Variants in ADAMTSL3 observed in about 807,000 individuals in gnomAD.
ADAMTSL3 encodes ADAMTS-like protein 3.
Under a neutral mutation model 201.7 loss-of-function variants are expected in ADAMTSL3, and 128 were observed. The observed-to-expected ratio is 0.63, with a 90% CI of 0.55 to 0.73. ADAMTSL3 has a LOEUF of 0.73. Ranked by LOEUF, ADAMTSL3 falls within the 30% of genes least tolerant of loss-of-function variation. ADAMTSL3 has a pLI of 0.00. For missense variants in ADAMTSL3, 1,990 were observed against 2,119.6 expected (o/e 0.94, Z 1.20); for synonymous variants, 738 against 748.4 (o/e 0.99, Z 0.23).
intron 19 of ADAMTSL3, among the ~76,000 whole-genome samples, chr15:83,946,783 G>C (rs2066662609): frequency 6.6e-6 from 1 of 152,258 alleles, no homozygotes; most frequent in East Asian, 1.9e-4. Flanking sequence ...GGTTTGGACT[G>C]GAGGCTGTTT....
chr15:83,674,788 T>TATAA (rs1555428965), intron 2 of ADAMTSL3, among the ~76,000 whole-genome samples: 62 of 138,732 alleles, frequency 4.5e-4, no homozygotes, highest in Middle Eastern at 7.6e-3. Context: ...TATATATATA[T>TATAA]AAATCTTGCT....
intron 6 of ADAMTSL3, among the ~76,000 whole-genome samples, chr15:83,837,103 A>T (rs1217486442): frequency 6.6e-6 from 1 of 152,168 alleles, no homozygotes; most frequent in Non-Finnish European, 1.5e-5. Context: ...ATGACAAGAG[A>T]AGGAAGGATA....
intron 17 of ADAMTSL3, among the ~76,000 whole-genome samples, chr15:83,937,300 A>G (rs2066478601): frequency 6.6e-6 from 1 of 151,054 alleles, no homozygotes; most frequent in African/African-American, 2.5e-5. Flanking sequence ...AAAAATGTAC[A>G]TATACACCAT....
At chr15:83,876,625 TTTTTG>T (rs931943034) in intron 9 of ADAMTSL3, among the ~76,000 whole-genome samples, 3 of 152,154 alleles carry the variant, frequency 2.0e-5, no homozygotes, top group Middle Eastern at 3.4e-3. Flanking sequence ...TGTTTGTGGG[TTTTTG>T]TTTTGTTTTG....
At chr15:83,818,298 AAAT>A (rs2063800054) in intron 5 of ADAMTSL3, among the ~76,000 whole-genome samples, 1 of 151,742 alleles carries the variant, frequency 6.6e-6, no homozygotes, top group South Asian at 2.1e-4. Context: ...TAATACAAAA[AAAT>A]AATAAAATAC....
At chr15:83,807,865 G>C (rs1596246097) in intron 5 of ADAMTSL3, among the ~76,000 whole-genome samples, 1 of 152,190 alleles carries the variant, frequency 6.6e-6, no homozygotes, top group Admixed American at 6.5e-5. Flanking sequence ...TTTCACAAGG[G>C]TGCCAAGAAT....
At position 83,976,515 on chromosome 15, in the gene ADAMTSL3, T is replaced by C. The variant is rs1290838865; in HGVS notation, c.2645-5758T>C. On this transcript the variant is annotated intron_variant, in intron 20 of 29. Coordinates refer to ENST00000286744, the MANE Select transcript of ADAMTSL3 (RefSeq NM_207517.3). ...TGTAATGTGTAATGGAATAGTTATA[T>C]AACTCACCATGATGTAGAATCAGTG... is the stretch of plus-strand genomic sequence containing the variant. 2.0e-5 allele frequency among the ~76,000 whole-genome samples: 3 copies of C among 152,050 alleles called. No homozygotes were observed. In the South Asian group the frequency reaches 6.2e-4, roughly 32 times the overall value.
At chr15:83,925,937 T>C (rs2066237243) in intron 17 of ADAMTSL3, among the ~76,000 whole-genome samples, 1 of 152,168 alleles carries the variant, frequency 6.6e-6, no homozygotes, top group South Asian at 2.1e-4. Flanking sequence ...GGGCAAAACA[T>C]AGTTATATTT....
intron 26 of ADAMTSL3, among the ~76,000 whole-genome samples, chr15:84,023,317 A>T (rs1210063638): frequency 6.6e-6 from 1 of 152,252 alleles, no homozygotes; most frequent in African/African-American, 2.4e-5. Context: ...GAAGATACTA[A>T]CATTTTACTG....
intron 15 of ADAMTSL3, among the ~76,000 whole-genome samples, chr15:83,910,636 T>C (rs1483396250): frequency 2.8e-4 from 6 of 21,194 alleles, no homozygotes; most frequent in African/African-American, 1.7e-3. Context: ...TAGGTGAACC[T>C]TTTTTTTTTT....
At chr15:83,935,430 G>A (rs760388511) in intron 17 of ADAMTSL3, among the ~76,000 whole-genome samples, 1 of 151,782 alleles carries the variant, frequency 6.6e-6, no homozygotes, top group East Asian at 1.9e-4. Context: ...TGATAAAAAG[G>A]ACTTCATGAT....
intron 4 of ADAMTSL3, among the ~76,000 whole-genome samples, chr15:83,799,858 C>T (rs4843157): frequency 0.15 from 22,676 of 152,182 alleles, 2,265 homozygotes; most frequent in Middle Eastern, 0.32. Context: ...AATATTTCTG[C>T]AGCTTAGTTG....
chr15:83,785,139 G>A (rs927120871), intron 4 of ADAMTSL3, among the ~76,000 whole-genome samples: 3 of 152,158 alleles, frequency 2.0e-5, no homozygotes, highest in Non-Finnish European at 4.4e-5. Flanking sequence ...GAATCACCTA[G>A]GCATCTTGTT....
intron 3 of ADAMTSL3, among the ~76,000 whole-genome samples, chr15:83,755,623 C>T (rs1280422499): frequency 6.6e-6 from 1 of 152,152 alleles, no homozygotes; most frequent in Non-Finnish European, 1.5e-5. Context: ...AATAATATTC[C>T]ACTGCATGTG....
intron 20 of ADAMTSL3, among the ~76,000 whole-genome samples, chr15:83,978,742 T>G (rs1408616993): frequency 6.6e-6 from 1 of 152,204 alleles, no homozygotes; most frequent in Non-Finnish European, 1.5e-5. Context: ...CAGGCACACC[T>G]GCCAGTCAAA....
intron 7 of ADAMTSL3, among the ~76,000 whole-genome samples, chr15:83,847,939 A>ATTT (rs57098025): frequency 6.1e-5 from 9 of 147,482 alleles, no homozygotes; most frequent in African/African-American, 2.2e-4. Flanking sequence ...AATAAAACCT[A>ATTT]TTTTTTTTTT....
chr15:83,973,901 C>T (rs999111521), intron 20 of ADAMTSL3, among the ~76,000 whole-genome samples: 3 of 152,210 alleles, frequency 2.0e-5, no homozygotes, highest in African/African-American at 7.2e-5. Context: ...TAATCGGTGC[C>T]TTGGGTTTAA....
chr15:83,980,687 C>A (rs769098642), intron 20 of ADAMTSL3, among the ~76,000 whole-genome samples: 5 of 152,170 alleles, frequency 3.3e-5, no homozygotes, highest in Admixed American at 2.0e-4. Flanking sequence ...CTACCAATTG[C>A]ATCTGTATGG....
chr15:84,018,171 T>C (rs1016961768), intron 25 of ADAMTSL3, among the ~76,000 whole-genome samples: 5 of 152,178 alleles, frequency 3.3e-5, no homozygotes, highest in African/African-American at 1.2e-4. Flanking sequence ...AACTCTTGGT[T>C]TATTGGGACT....
Sources: gnomAD v4.1 joint callset for allele counts (sites outside exome capture counted in the v4.1 genomes callset) on GRCh38, gnomAD v4.1.1 for gene constraint, MANE v1.5 for transcripts, NCBI Gene and HGNC (gene_info 2026-07-23, HGNC 2026-07-21) for gene names.